Variants in NUP93 observed in about 807,000 individuals in gnomAD.
The protein encoded by NUP93 is nuclear pore complex protein Nup93.
In NUP93, 55 loss-of-function variants were observed where a neutral mutation model predicts 107.8. That is an observed-to-expected ratio of 0.51 (90% CI 0.41 to 0.64). The LOEUF (loss-of-function observed/expected upper bound fraction) is 0.64. Among genes scored for constraint, NUP93 ranks in the 30% least tolerant of loss-of-function variants. NUP93 has a pLI of 0.00. For synonymous variants in NUP93, 390 were observed against 397.5 expected, an observed-to-expected ratio of 0.98 and a Z score of 0.22; for missense variants, 937 against 1,044.7, an observed-to-expected ratio of 0.90 and a Z score of 1.42.
intron 6 of NUP93, 143 bp downstream of exon 6, chr16:56,818,881 T>C (rs1963489011): frequency 1.1e-5 from 7 of 644,234 alleles, no homozygotes; most frequent in Non-Finnish European, 1.9e-5. Flanking sequence ...TATTTTAGCA[T>C]AGGCCACTGG....
rs764579290 is a variant in NUP93, at chr16:56,830,518, C to G, written c.928-10C>G. ...TGTTTATTTTGAGCACTTAACTGTT[C>G]CTCTTTTAGGATGGAGAGGTGGAAG... On this transcript the variant is annotated splice_polypyrimidine_tract_variant and intron_variant, in intron 9 of 21. Coordinates refer to ENST00000308159, the MANE Select transcript of NUP93 (RefSeq NM_014669.5). 1.3e-6 allele frequency: 2 copies of G among 1,558,642 alleles called. No individual in the cohort carries two copies. The highest frequency in any genetic ancestry group is 1.8e-6 in the Non-Finnish European group (2 of 1,142,660).
intron 21 of NUP93, among the ~76,000 whole-genome samples, chr16:56,842,398 C>G (rs1228321589): frequency 6.6e-6 from 1 of 152,172 alleles, no homozygotes; most frequent in Non-Finnish European, 1.5e-5. Flanking sequence ...TGTGCCCTTT[C>G]TGCTGCCTGT....
chr16:56,840,285 G>A (rs1865830), intron 20 of NUP93, among the ~76,000 whole-genome samples: 64,011 of 152,022 alleles, frequency 0.42, 13,652 homozygotes, highest in East Asian at 0.61. Flanking sequence ...CTCCCAAAAT[G>A]CTGGGATTAC....
At chr16:56,842,088 A>G (rs1466247522) in intron 21 of NUP93, among the ~76,000 whole-genome samples, 1 of 152,246 alleles carries the variant, frequency 6.6e-6, no homozygotes, top group Admixed American at 6.5e-5. Context: ...ACAGAATGCT[A>G]ATTTCTAGTT....
At chr16:56,843,154 G>T (rs975597646) in intron 21 of NUP93, among the ~76,000 whole-genome samples, 2 of 152,262 alleles carry the variant, frequency 1.3e-5, no homozygotes, top group African/African-American at 4.8e-5. Context: ...CAGAGCATTT[G>T]CTGGTCTTCT....
chr16:56,762,850 A>G (rs933934912), intron 3 of NUP93, among the ~76,000 whole-genome samples: 37 of 152,056 alleles, frequency 2.4e-4, no homozygotes, highest in African/African-American at 8.9e-4. Context: ...AGGGCAGGGT[A>G]TCTTCGGTCT....
In NUP93 at chr16:56,748,318, C is replaced by T. The variant is rs2144457492; in HGVS notation, c.71C>T (p.Ser24Leu). The T allele has an allele frequency of 6.2e-7, 1 of 1,614,024 alleles. No homozygotes were observed. Among genetic ancestry groups the T allele is most frequent in the Non-Finnish European group, 8.5e-7 (1 of 1,179,988 alleles). The change falls in exon 2 of 22, where the codon TCA (serine) becomes TTA (leucine). Residue 24 changes from serine to leucine, a missense_variant. By Grantham distance (145) the Ser-to-Leu change is moderately radical. Transcript: ENST00000308159. ...EQLAAETEGI[S>L]ELPHVERNLQ... is the part of the protein sequence containing the mutation. ...CTTGCTGCTGAGACTGAGGGCATCTCAGAGCTTCCCCATGTGGAACGGAAC... is the reference window on the plus strand; with the variant it reads ...CTTGCTGCTGAGACTGAGGGCATCTTAGAGCTTCCCCATGTGGAACGGAAC...
chr16:56,737,896 G>A (rs1224485908), intron 1 of NUP93, among the ~76,000 whole-genome samples: 10 of 152,238 alleles, frequency 6.6e-5, no homozygotes, highest in Admixed American at 6.5e-4. Flanking sequence ...ATTGCTGAAT[G>A]TCCCCTGTGG....
chr16:56,837,532 G>GT, intron 17 of NUP93, 76 bp from the exon 18 acceptor site: 1 of 1,174,142 alleles, frequency 8.5e-7, no homozygotes, highest in South Asian at 1.2e-5. Context: ...TCTTTGGTGG[G>GT]TAGGGGGCAT....
chr16:56,744,048 C>T (rs1338765352), intron 1 of NUP93, among the ~76,000 whole-genome samples: 2 of 152,172 alleles, frequency 1.3e-5, no homozygotes, highest in African/African-American at 4.8e-5. Flanking sequence ...TCCCTGCTGG[C>T]CTTTTCCTGT....
intron 3 of NUP93, among the ~76,000 whole-genome samples, chr16:56,785,928 T>C (rs1962617038): frequency 6.6e-6 from 1 of 152,212 alleles, no homozygotes; most frequent in African/African-American, 2.4e-5. Flanking sequence ...TGCCTTATGC[T>C]TTCTTTTTCT....
At chr16:56,772,653 A>G (rs1962343706) in intron 3 of NUP93, among the ~76,000 whole-genome samples, 2 of 152,152 alleles carry the variant, frequency 1.3e-5, no homozygotes, top group East Asian at 1.9e-4. Flanking sequence ...ACTGCCCTAC[A>G]TACTCTCCTT....
intron 2 of NUP93, among the ~76,000 whole-genome samples, chr16:56,756,934 A>G (rs892887459): frequency 3.3e-5 from 5 of 152,166 alleles, no homozygotes; most frequent in African/African-American, 1.2e-4. Context: ...GGCTGCATAA[A>G]TGTCTTCTTT....
In NUP93 at chr16:56,808,216, T is replaced by C. The variant is rs180851420; in HGVS notation, c.489+2584T>C. On this transcript the variant is annotated intron_variant, in intron 5 of 21. Transcript: ENST00000308159. ...TATAACTATATAAAATATATAGTTA[T>C]GTAACTATATAAAATATATAGTTAT... 3.5e-3 allele frequency among the ~76,000 whole-genome samples: 385 copies of C among 108,828 alleles called. 10 individuals carry two copies. The highest frequency in any genetic ancestry group is 9.4e-3 in the African/African-American group (234 of 24,866). 71.4% of individuals were successfully genotyped at this position (108,828 alleles called of 152,430 possible).
intron 5 of NUP93, among the ~76,000 whole-genome samples, chr16:56,812,606 G>A (rs1428627906): frequency 6.6e-6 from 1 of 152,138 alleles, no homozygotes; most frequent in Non-Finnish European, 1.5e-5. Flanking sequence ...GCCTCCCAAA[G>A]TGCTGGGATT....
chr16:56,764,743 T>C (rs1477674321), intron 3 of NUP93, among the ~76,000 whole-genome samples: 20 of 152,218 alleles, frequency 1.3e-4, no homozygotes. Context: ...ATGATTAATA[T>C]GCGAATAGCT....
At position 56,841,741 on chromosome 16, in the gene NUP93, A is replaced by G. The variant is rs750524188; in HGVS notation, c.2257A>G (p.Met753Val). Residue 753 changes from methionine to valine, a missense_variant, in exon 21 of 22, where the codon ATG becomes GTG. Met to Val is a conservative substitution (Grantham distance 21). Coordinates refer to ENST00000308159, the MANE Select transcript of NUP93 (RefSeq NM_014669.5). The part of the protein sequence containing the change: ...HNLSEVLLAT[M>V]NILFTQFKRL... ...CCTCTCAGAAGTGCTTCTTGCCACC[A>G]TGAACATCTTGTTCACACAGTTTAA... The G allele has an allele frequency of 4.3e-6, 7 of 1,614,094 alleles. No homozygotes were observed. The South Asian group carries it at 6.6e-5, about 15-fold the overall frequency.
At position 56,818,214 on chromosome 16, in the gene NUP93, A is replaced by G. The variant is rs1262250317; in HGVS notation, c.490-450A>G. The stretch of plus-strand genomic sequence containing the variant: ...TCTTAGTGTGGATTCTAGTGTGGAA[A>G]TGTCTGAATCAGGTGTTTGACTCTA... On this transcript the variant is annotated intron_variant, in intron 5 of 21. Transcript: ENST00000308159. Among the ~76,000 whole-genome samples the G allele has an allele frequency of 3.3e-5, 5 of 152,272 alleles. No homozygotes were observed. The South Asian group carries it at 8.3e-4, about 25-fold the overall frequency.
At chr16:56,796,253 A>G (rs948964082) in intron 3 of NUP93, among the ~76,000 whole-genome samples, 1 of 152,222 alleles carries the variant, frequency 6.6e-6, no homozygotes, top group Non-Finnish European at 1.5e-5. Flanking sequence ...ATAAGATTAC[A>G]ATACCATATT....
Sources: allele counts gnomAD v4.1 joint callset (sites outside exome capture counted in the v4.1 genomes callset), GRCh38; gene constraint gnomAD v4.1.1; transcripts MANE v1.5; gene names NCBI Gene and HGNC (gene_info 2026-07-23, HGNC 2026-07-21).